Variants in KCNJ14 observed in about 807,000 individuals in gnomAD.
The protein encoded by KCNJ14 is ATP-sensitive inward rectifier potassium channel 14.
A neutral mutation model predicts 24.5 loss-of-function variants in KCNJ14; 18 were observed. The ratio of observed to expected loss-of-function variants is 0.74; its 90% CI spans 0.51 to 1.09. The LOEUF is 1.09. KCNJ14 is among the 50% of genes least tolerant of loss of function. KCNJ14 has a pLI of 0.00. For synonymous variants in KCNJ14, 288 were observed against 270.8 expected (o/e 1.06, Z -0.63); for missense variants, 633 against 623.0 (o/e 1.02, Z -0.17).
In KCNJ14 at chr19:48,462,187, G is replaced by A. The variant is rs749324833; in HGVS notation, c.463G>A (p.Val155Ile). ...QTSIGYGVRS[V>I]TEECPAAVAA... ...GTCCATCGGCTACGGCGTGCGCAGCGTCACCGAGGAGTGCCCGGCCGCTGT... is the reference window on the plus strand; with the variant it reads ...GTCCATCGGCTACGGCGTGCGCAGCATCACCGAGGAGTGCCCGGCCGCTGT... Residue 155 changes from valine (V) to isoleucine (I), a missense_variant, in exon 2 of 3, where the codon GTC becomes ATC. By Grantham distance (29) the Val-to-Ile change is conservative. Coordinates refer to ENST00000342291, the MANE Select transcript of KCNJ14 (RefSeq NM_013348.4). The surrounding 1 kb of genome is among the most constrained non-coding windows in gnomAD (Gnocchi z 4.9). 6.4e-7 allele frequency: 1 copy of A among 1,561,258 alleles called. No individual in the cohort carries two copies. The highest frequency in any genetic ancestry group is 8.7e-7 in the Non-Finnish European group (1 of 1,153,534).
At position 48,464,375 on chromosome 19, in the gene KCNJ14, CGAG is replaced by C; in HGVS notation, c.911_913del (p.Glu304del). 6.2e-7 allele frequency: 1 copy of C among 1,613,002 alleles called. No homozygotes were observed. Among genetic ancestry groups the C allele is most frequent in the East Asian group, 2.2e-5 (1 of 44,824 alleles). ...CTGACTTTGAGCTGGTGGTCATTCT[CGAG>C]GGGATGGTTGAGGCCACAGCCATGA... On this transcript the variant is annotated inframe_deletion, in exon 3 of 3. Transcript: ENST00000342291.
At position 48,461,674 on chromosome 19, in the gene KCNJ14, T is replaced by C. The variant is rs758654284; in HGVS notation, c.-51T>C. On this transcript the variant is annotated 5_prime_UTR_variant, in exon 2 of 3. Transcript: ENST00000342291. Reference sequence around the variant, plus strand: ...TCTGCCGGTTTCTTGTCCCAGCAGGTTGGGGGCGCCTGCCCCCCACTAGGC... The same window carrying C: ...TCTGCCGGTTTCTTGTCCCAGCAGGCTGGGGGCGCCTGCCCCCCACTAGGC... 1.7e-6 allele frequency: 2 copies of C among 1,184,444 alleles called. No homozygotes were observed. Among genetic ancestry groups the C allele is most frequent in the Non-Finnish European group, 2.2e-6 (2 of 899,496 alleles). The allele number at this position is 1,184,444 out of a possible 1,614,324, so 73.4% of individuals were successfully genotyped here.
In KCNJ14 at chr19:48,461,550, A is replaced by AAAG. The variant is rs370425889; in HGVS notation, c.-55-120_-55-119insAAG. ...CTCCAAAAAAAAAAAAAAAAAAAAAATGCGTATCGTTCCACCTATTTGACA... is the reference window on the plus strand; with the variant it reads ...CTCCAAAAAAAAAAAAAAAAAAAAAAAAGTGCGTATCGTTCCACCTATTTGACA... On this transcript the variant is annotated intron_variant, in intron 1 of 2. Transcript: ENST00000342291. The AAAG allele has an allele frequency of 7.1e-4, 250 of 351,214 alleles. 2 individuals are homozygous for AAAG. The highest frequency in any genetic ancestry group is 2.6e-3 in the Middle Eastern group (3 of 1,146). The allele number at this position is 351,214 out of a possible 1,614,324, so 21.8% of individuals were successfully genotyped here.
chr19:48,464,683 A>G lies in KCNJ14; in HGVS notation c.1217A>G (p.Asp406Gly). The G allele has an allele frequency of 1.2e-6, 2 of 1,613,956 alleles. No homozygotes were observed. Among genetic ancestry groups the G allele is most frequent in the Non-Finnish European group, 1.7e-6 (2 of 1,180,030 alleles). ...TGCTGCCAGGAGGAAGATGAGGACG[A>G]TGAGACTGAGGAAGGGAATGGGGTG... ...LSCCQEEDED[D>G]ETEEGNGVET... The change falls in exon 3 of 3, where the codon GAT becomes GGT. Residue 406 changes from aspartate (D) to glycine (G), a missense_variant. Physicochemically the swap from Asp to Gly is moderately conservative, Grantham distance 94 (BLOSUM62 -1). Coordinates refer to ENST00000342291, the MANE Select transcript of KCNJ14 (RefSeq NM_013348.4).
intron 1 of KCNJ14, among the ~76,000 whole-genome samples, chr19:48,457,505 T>C (rs1349722239): frequency 6.6e-6 from 1 of 152,146 alleles, no homozygotes; most frequent in Non-Finnish European, 1.5e-5. Flanking sequence ...CACCTTACAA[T>C]GGAGGAAACC....
Position 48,464,700 on chromosome 19 carries a change from A to C in KCNJ14, c.1234A>C (p.Asn412His). 3 of 1,613,444 alleles carry C rather than the reference A, an allele frequency of 1.9e-6. No homozygotes were observed. Among genetic ancestry groups the C allele is most frequent in the Non-Finnish European group, 2.5e-6 (3 of 1,179,992 alleles). ...EDEDDETEEG[N>H]GVETEDGAAS... ...TGAGGACGATGAGACTGAGGAAGGG[A>C]ATGGGGTGGAAACAGAAGATGGGGC... The change falls in exon 3 of 3, where the codon AAT becomes CAT. Residue 412 changes from asparagine to histidine, a missense_variant. Coordinates refer to ENST00000342291, the MANE Select transcript of KCNJ14 (RefSeq NM_013348.4).
rs925744018 is a variant in KCNJ14 at position 48,462,618 on chromosome 19, A to C, written c.714+180A>C. ...AGCTGGGGATGTAAACCCAACAGAA[A>C]GGTATGTGACCAGCTCTTCCTGGAG... On this transcript the variant is annotated intron_variant, in intron 2 of 2. Transcript: ENST00000342291. The surrounding 1 kb of genome is among the most constrained non-coding windows in gnomAD (Gnocchi z 4.9). Among the ~76,000 whole-genome samples the C allele has an allele frequency of 1.3e-5, 2 of 152,166 alleles. No homozygotes were observed. Among genetic ancestry groups the C allele is most frequent in the African/African-American group, 4.8e-5 (2 of 41,440 alleles).
At position 48,462,703 on chromosome 19, in the gene KCNJ14, A is replaced by G. The variant is rs1408209016; in HGVS notation, c.714+265A>G. 6.6e-6 allele frequency among the ~76,000 whole-genome samples: 1 copy of G among 152,032 alleles called. No individual in the cohort carries two copies. The highest frequency in any genetic ancestry group is 6.5e-5 in the Admixed American group (1 of 15,274). The stretch of plus-strand genomic sequence containing the variant: ...TTGAGGATTGCCCGCCTGTGGGTAG[A>G]CCCCAAAAGGGCCACGCCTGGCCTG... On this transcript the variant is annotated intron_variant, in intron 2 of 2. Coordinates refer to ENST00000342291, the MANE Select transcript of KCNJ14 (RefSeq NM_013348.4). The surrounding 1 kb of genome is among the most constrained non-coding windows in gnomAD (Gnocchi z 4.9).
At position 48,462,801 on chromosome 19, in the gene KCNJ14, T is replaced by C. The variant is rs1299459730; in HGVS notation, c.714+363T>C. Among the ~76,000 whole-genome samples the C allele has an allele frequency of 1.3e-5, 2 of 152,162 alleles. No homozygotes were observed. The highest frequency in any genetic ancestry group is 1.3e-4 in the Admixed American group (2 of 15,266). On this transcript the variant is annotated intron_variant, in intron 2 of 2. Coordinates refer to ENST00000342291, the MANE Select transcript of KCNJ14 (RefSeq NM_013348.4). The surrounding 1 kb of genome is among the most constrained non-coding windows in gnomAD (Gnocchi z 4.9). ...TGTCCAAAGATGGGGTGGCCTCAGA[T>C]GCAGCTTTGCGAGGGGGTGGTGGAG... is the stretch of plus-strand genomic sequence containing the variant.
At chr19:48,463,314 G>C (rs1486822436) in intron 2 of KCNJ14, among the ~76,000 whole-genome samples, 1 of 152,140 alleles carries the variant, frequency 6.6e-6, no homozygotes, top group Middle Eastern at 3.2e-3. Flanking sequence ...GCCGCCTCTG[G>C]GGTTCCTCTA....
At chr19:48,460,814 T>A (rs577260220) in intron 1 of KCNJ14, among the ~76,000 whole-genome samples, 6 of 152,282 alleles carry the variant, frequency 3.9e-5, no homozygotes, top group African/African-American at 9.6e-5. Context: ...CCGTTGTTGT[T>A]GTACAAGTAT....
chr19:48,460,884 G>A (rs555814399), intron 1 of KCNJ14, among the ~76,000 whole-genome samples: 20 of 152,102 alleles, frequency 1.3e-4, no homozygotes, highest in Admixed American at 2.0e-4. Context: ...GGCCAGGTGG[G>A]GTGGCTCAGG....
At chr19:48,460,534 C>T (rs557212607) in intron 1 of KCNJ14, among the ~76,000 whole-genome samples, 3 of 152,324 alleles carry the variant, frequency 2.0e-5, no homozygotes, top group South Asian at 4.1e-4. Context: ...TGAACCACCA[C>T]ACCCGGCAGT....
At position 48,462,086 on chromosome 19, in the gene KCNJ14, C is replaced by G. The variant is rs566685031; in HGVS notation, c.362C>G (p.Pro121Arg). The G allele has an allele frequency of 5.6e-6, 9 of 1,602,316 alleles. No individual in the cohort carries two copies. The highest frequency in any genetic ancestry group is 6.8e-6 in the Non-Finnish European group (8 of 1,176,406). Residue 121 changes from proline to arginine, a missense_variant, in exon 2 of 3, where the codon CCG (proline) becomes CGG (arginine). Transcript: ENST00000342291. The surrounding 1 kb of genome is among the most constrained non-coding windows in gnomAD (Gnocchi z 4.9). The stretch of plus-strand genomic sequence containing the variant: ...TCGCTGCACGGCGACCTGGCCGCCC[C>G]GCCACCGCCCGCGCCCTGCTTCTCA... ...IASLHGDLAA[P>R]PPPAPCFSHV...
At chr19:48,456,115 A>G (rs1487163884) in intron 1 of KCNJ14, 2 of 152,250 alleles carry the variant, frequency 1.3e-5, no homozygotes, top group African/African-American at 4.8e-5. Flanking sequence ...AGGTCCCTTC[A>G]TCAAAGGGCT....
Position 48,461,690 on chromosome 19 carries a change from C to A in KCNJ14, c.-35C>A. On this transcript the variant is annotated 5_prime_UTR_variant, in exon 2 of 3. Transcript: ENST00000342291. ...CCCAGCAGGTTGGGGGCGCCTGCCC[C>A]CCACTAGGCCAAGTGGAGGGGGTCC... The A allele has an allele frequency of 2.3e-6, 3 of 1,332,258 alleles. No individual in the cohort carries two copies. Among genetic ancestry groups the A allele is most frequent in the Non-Finnish European group, 2.9e-6 (3 of 1,031,558 alleles). 82.5% of individuals were successfully genotyped at this position (1,332,258 alleles called of 1,614,324 possible).
intron 2 of KCNJ14, among the ~76,000 whole-genome samples, chr19:48,463,858 C>T (rs1033855689): frequency 6.6e-5 from 10 of 152,082 alleles, no homozygotes; most frequent in Admixed American, 5.9e-4. Flanking sequence ...CCACGCCCCT[C>T]TTCCCGTTTT....
At position 48,462,891 on chromosome 19, in the gene KCNJ14, G is replaced by A. The variant is rs532428235; in HGVS notation, c.714+453G>A. ...CACTGGACACTGTGGCACAGTCGGA[G>A]GCCTGTGACTTGAGGCCCCCGGGAG... On this transcript the variant is annotated intron_variant, in intron 2 of 2. Coordinates refer to ENST00000342291, the MANE Select transcript of KCNJ14 (RefSeq NM_013348.4). This position sits in a 1 kb window ranked among gnomAD's most constrained non-coding sequence, Gnocchi z 4.9. 1.3e-4 allele frequency among the ~76,000 whole-genome samples: 20 copies of A among 152,260 alleles called. No homozygotes were observed. Among genetic ancestry groups the A allele is most frequent in the African/African-American group, 4.6e-4 (19 of 41,552 alleles).
Position 48,465,894 on chromosome 19 carries a change from T to G in KCNJ14, c.*1117T>G, listed in dbSNP as rs1971650063. The G allele has an allele frequency of 6.6e-6, 1 of 152,546 alleles. No homozygotes were observed. The allele number at this position is 152,546 out of a possible 1,614,324, so 9.4% of individuals were successfully genotyped here. ...CTCCAGGTGGACTGCTTGGCAGTGC[T>G]AGGAGGTGGACTCAGGACTTCAGAA... On this transcript the variant is annotated 3_prime_UTR_variant, in exon 3 of 3. Transcript: ENST00000342291.
Sources: allele counts gnomAD v4.1 joint callset (sites outside exome capture counted in the v4.1 genomes callset), GRCh38; gene constraint gnomAD v4.1.1; non-coding constraint Gnocchi (gnomAD v3.1); transcripts MANE v1.5; gene names NCBI Gene and HGNC (gene_info 2026-07-23, HGNC 2026-07-21).